NAALADL2: variants seen among roughly 807,000 people sequenced by gnomAD.
The protein encoded by NAALADL2 is inactive N-acetylated-alpha-linked acidic dipeptidase-like protein 2.
NAALADL2 carries 76 observed loss-of-function variants against 87.2 expected under a neutral mutation model. The ratio of observed to expected loss-of-function variants is 0.87; its 90% CI spans 0.72 to 1.05. NAALADL2 has a LOEUF of 1.05. Among genes scored for constraint, NAALADL2 ranks in the 50% least tolerant of loss-of-function variants. NAALADL2 has a pLI of 0.00. For synonymous variants in NAALADL2, 354 were observed against 331.0 expected (o/e 1.07, Z -0.75); for missense variants, 1,089 against 945.8 (o/e 1.15, Z -1.99).
chr3:175,471,509 AAAAG>A (rs942028087), intron 8 of NAALADL2, 126 bp from the exon 9 acceptor site: 1 of 632,680 alleles, frequency 1.6e-6, no homozygotes, highest in Non-Finnish European at 2.7e-6. Context: ...AAGAAAAAAA[AAAAG>A]AAGGTAATTA....
intron 1 of NAALADL2, among the ~76,000 whole-genome samples, chr3:175,054,737 A>G (rs1711750265): frequency 6.6e-6 from 1 of 152,176 alleles, no homozygotes; most frequent in Admixed American, 6.5e-5. Context: ...TTCCCCTTGA[A>G]GCGGTTCCTT....
intron 1 of NAALADL2, among the ~76,000 whole-genome samples, chr3:175,027,659 C>G (rs1377940355): frequency 6.6e-6 from 1 of 152,010 alleles, no homozygotes; most frequent in African/African-American, 2.4e-5. Flanking sequence ...GATATATGCT[C>G]TTTAAAGTTA....
chr3:174,899,027 A>T (rs905240843), intron 1 of NAALADL2, among the ~76,000 whole-genome samples: 3 of 152,150 alleles, frequency 2.0e-5, no homozygotes, highest in Non-Finnish European at 2.9e-5. Context: ...GAGTTTTTAA[A>T]AGGAGACTTT....
In NAALADL2 at chr3:175,806,822, G is replaced by A. The variant is rs1054493742; in HGVS notation, c.*3619G>A. 2.0e-5 allele frequency: 3 copies of A among 148,578 alleles called. No homozygotes were observed. Among genetic ancestry groups the A allele is most frequent in the Non-Finnish European group, 3.0e-5 (2 of 67,376 alleles). 9.2% of individuals were successfully genotyped at this position (148,578 alleles called of 1,614,324 possible). The stretch of plus-strand genomic sequence containing the variant: ...GGCATATTTCTCTTCTGGGCCCACT[G>A]TATTCAGTTCTTTGTTCTTTACACT... On this transcript the variant is annotated 3_prime_UTR_variant, in exon 14 of 14. Coordinates refer to ENST00000454872, the MANE Select transcript of NAALADL2 (RefSeq NM_207015.3).
At chr3:175,388,771 A>ATT (rs926700063) in intron 5 of NAALADL2, among the ~76,000 whole-genome samples, 2 of 152,036 alleles carry the variant, frequency 1.3e-5, no homozygotes, top group Non-Finnish European at 2.9e-5. Context: ...TGGATTGGTC[A>ATT]TTTTTTATAA....
At chr3:175,205,893 C>A (rs751525397) in intron 2 of NAALADL2, among the ~76,000 whole-genome samples, 7 of 151,226 alleles carry the variant, frequency 4.6e-5, no homozygotes, top group Non-Finnish European at 1.0e-4. Flanking sequence ...AAAACCATCA[C>A]GCGCTACCAC....
At chr3:175,234,697 C>T (rs1212200349) in intron 3 of NAALADL2, among the ~76,000 whole-genome samples, 1 of 150,714 alleles carries the variant, frequency 6.6e-6, no homozygotes, top group Non-Finnish European at 1.5e-5. Flanking sequence ...TAGTTCTTCA[C>T]CTTTTCTGGG....
intron 1 of NAALADL2, among the ~76,000 whole-genome samples, chr3:175,061,440 G>T (rs1320772493): frequency 1.3e-5 from 2 of 152,078 alleles, no homozygotes; most frequent in Non-Finnish European, 2.9e-5. Flanking sequence ...ACATGTGCTG[G>T]ATGTTTTCCT....
At chr3:175,623,096 A>G (rs1315424688) in intron 10 of NAALADL2, among the ~76,000 whole-genome samples, 2 of 152,106 alleles carry the variant, frequency 1.3e-5, no homozygotes, top group African/African-American at 4.8e-5. Flanking sequence ...TCTCTTTAGG[A>G]TAATAGAAAT....
At chr3:175,584,267 C>T (rs6790799) in intron 10 of NAALADL2, among the ~76,000 whole-genome samples, 1,784 of 152,140 alleles carry the variant, frequency 0.012, 35 homozygotes, top group African/African-American at 0.04. Flanking sequence ...GAACTCCTGA[C>T]CTCAGGTCAT....
intron 1 of NAALADL2, among the ~76,000 whole-genome samples, chr3:174,500,050 C>T (rs957261773): frequency 2.0e-5 from 3 of 151,706 alleles, no homozygotes; most frequent in African/African-American, 7.3e-5. Context: ...TCTTCTGACC[C>T]TTGAAAAAAG....
chr3:174,502,545 G>A (rs558429002), intron 1 of NAALADL2, among the ~76,000 whole-genome samples: 6 of 151,932 alleles, frequency 3.9e-5, no homozygotes, highest in Non-Finnish European at 8.8e-5. Context: ...TTTTTAAAGT[G>A]TAATTTTTAT....
chr3:174,657,651 CA>C (rs1407352591), intron 2 of NAALADL2, among the ~76,000 whole-genome samples: 1 of 152,100 alleles, frequency 6.6e-6, no homozygotes, highest in Admixed American at 6.5e-5. Flanking sequence ...GCATAATTGA[CA>C]TCAGGATTCA....
At chr3:175,797,303 A>G (rs950678218) in intron 13 of NAALADL2, among the ~76,000 whole-genome samples, 1 of 152,140 alleles carries the variant, frequency 6.6e-6, no homozygotes, top group Admixed American at 6.6e-5. Context: ...CATGATAACT[A>G]CTAAAATGAT....
At chr3:174,523,707 G>A (rs1451840302) in intron 1 of NAALADL2, among the ~76,000 whole-genome samples, 1 of 152,116 alleles carries the variant, frequency 6.6e-6, no homozygotes, top group Admixed American at 6.5e-5. Context: ...TAACCTACCT[G>A]AGGCTTTCTG....
rs1297062525 is a variant in NAALADL2 at position 175,616,295 on chromosome 3, A to G, written c.1801-10996A>G. 4.9e-5 allele frequency among the ~76,000 whole-genome samples: 7 copies of G among 142,020 alleles called. No homozygotes were observed. The Admixed American group carries it at 4.9e-4, about 10-fold the overall frequency. The allele number at this position is 142,020 out of a possible 152,430, so 93.2% of individuals were successfully genotyped here. Reference sequence around the variant, plus strand: ...TTAATTATAAATATAATAAATATGAATATAAATAAATGTTTAAATAAATCT... The same window carrying G: ...TTAATTATAAATATAATAAATATGAGTATAAATAAATGTTTAAATAAATCT... On this transcript the variant is annotated intron_variant, in intron 10 of 13. Transcript: ENST00000454872.
chr3:174,577,109 A>G lies in NAALADL2; in HGVS notation c.-115+26472A>G, dbSNP rs528419131. Among the ~76,000 whole-genome samples, 5 of 152,282 alleles carry G rather than the reference A, an allele frequency of 3.3e-5. No individual in the cohort carries two copies. The South Asian group carries it at 1.0e-3, about 32-fold the overall frequency. ...GACTTATATTAGCCCATGATTCAAC[A>G]ATCAACTGTCTAGATGAAAAATAAA... On this transcript the variant is annotated intron_variant, in intron 2 of 3. Coordinates refer to the NAALADL2 transcript ENST00000434257.
At chr3:175,246,687 T>C (rs1383945083) in intron 3 of NAALADL2, among the ~76,000 whole-genome samples, 1 of 152,202 alleles carries the variant, frequency 6.6e-6, no homozygotes, top group Non-Finnish European at 1.5e-5. Context: ...ATAATAATTC[T>C]GCTTTTCTTT....
Position 175,111,585 on chromosome 3 carries a change from C to T in NAALADL2, c.545+14294C>T, listed in dbSNP as rs986572470. On this transcript the variant is annotated intron_variant, in intron 2 of 13. Coordinates refer to ENST00000454872, the MANE Select transcript of NAALADL2 (RefSeq NM_207015.3). ...ATAATTTTTAGGAAAATAAAAGAAACAAAATTTGAAAAATGGTTTTCATTT... is the reference window on the plus strand; with the variant it reads ...ATAATTTTTAGGAAAATAAAAGAAATAAAATTTGAAAAATGGTTTTCATTT... 3.3e-5 allele frequency among the ~76,000 whole-genome samples: 5 copies of T among 151,654 alleles called. No individual in the cohort carries two copies. The East Asian group carries it at 7.7e-4, about 23-fold the overall frequency.
Sources: gnomAD v4.1 joint callset for allele counts (sites outside exome capture counted in the v4.1 genomes callset) on GRCh38, gnomAD v4.1.1 for gene constraint, MANE v1.5 for transcripts, NCBI Gene and HGNC (gene_info 2026-07-23, HGNC 2026-07-21) for gene names.